Variants in CFAP299 observed in about 807,000 individuals in gnomAD.
CFAP299 encodes cilia- and flagella-associated protein 299.
A neutral mutation model predicts 27.0 loss-of-function variants in CFAP299; 21 were observed. That is an observed-to-expected ratio of 0.78 (90% CI 0.55 to 1.12). The LOEUF (loss-of-function observed/expected upper bound fraction) is 1.12. CFAP299 is among the 50% of genes most tolerant of loss of function. The pLI is 0.00. For missense variants in CFAP299, 310 were observed against 276.6 expected (o/e 1.12, Z -0.86); for synonymous variants, 104 against 98.1 (o/e 1.06, Z -0.36).
intron 2 of CFAP299, among the ~76,000 whole-genome samples, chr4:80,543,586 A>G (rs1578576249): frequency 6.6e-6 from 1 of 152,256 alleles, no homozygotes; most frequent in East Asian, 1.9e-4. Flanking sequence ...CAAATAGACC[A>G]AACCGACGAA....
chr4:80,621,056 A>T (rs1738577567), intron 3 of CFAP299, among the ~76,000 whole-genome samples: 1 of 152,060 alleles, frequency 6.6e-6, no homozygotes, highest in South Asian at 2.1e-4. Flanking sequence ...AAGCACTGAC[A>T]CCCTATCATT....
In CFAP299 at chr4:80,915,841, G is replaced by A. The variant is rs771288032; in HGVS notation, c.477-28969G>A. On this transcript the variant is annotated intron_variant, in intron 4 of 5. Coordinates refer to ENST00000358105, the MANE Select transcript of CFAP299 (RefSeq NM_152770.3). ...AAAACTTAATTTGGGTTATTTTCAC[G>A]TCTTCCATATTCTCTTCTTACCATA... 7.3e-5 allele frequency among the ~76,000 whole-genome samples: 11 copies of A among 151,672 alleles called. No individual in the cohort carries two copies. The South Asian group carries it at 8.4e-4, about 12-fold the overall frequency.
In CFAP299 at chr4:80,732,907, C is replaced by G. The variant is rs567375880; in HGVS notation, c.334-137086C>G. ...ATAAATTTAGCAGTGTTTTCTAACTCTTGATGATATAAGCCTTATTAATGT... is the reference window on the plus strand; with the variant it reads ...ATAAATTTAGCAGTGTTTTCTAACTGTTGATGATATAAGCCTTATTAATGT... On this transcript the variant is annotated intron_variant, in intron 3 of 5. Coordinates refer to ENST00000358105, the MANE Select transcript of CFAP299 (RefSeq NM_152770.3). 1.9e-4 allele frequency among the ~76,000 whole-genome samples: 29 copies of G among 152,178 alleles called. No individual in the cohort carries two copies. In the South Asian group the frequency reaches 5.8e-3, roughly 30 times the overall value.
intron 2 of CFAP299, among the ~76,000 whole-genome samples, chr4:80,557,129 G>A (rs1018922787): frequency 6.6e-6 from 1 of 151,866 alleles, no homozygotes; most frequent in African/African-American, 2.4e-5. Flanking sequence ...CCAACACATG[G>A]CCCCAGATAC....
intron 3 of CFAP299, among the ~76,000 whole-genome samples, chr4:80,729,902 C>T (rs745506917): frequency 6.6e-6 from 1 of 152,044 alleles, no homozygotes; most frequent in Admixed American, 6.6e-5. Context: ...AGCACCCGGC[C>T]CAGCATCTAT....
At chr4:80,413,304 A>C (rs1037718040) in intron 2 of CFAP299, among the ~76,000 whole-genome samples, 1 of 152,230 alleles carries the variant, frequency 6.6e-6, no homozygotes, top group African/African-American at 2.4e-5. Flanking sequence ...GTGATTGTGA[A>C]AGCAGCAGGC....
intron 4 of CFAP299, among the ~76,000 whole-genome samples, chr4:80,899,719 T>A (rs541291213): frequency 1.3e-5 from 2 of 152,204 alleles, no homozygotes; most frequent in African/African-American, 4.8e-5. Context: ...TGGTAAAAAA[T>A]GCAAACTCTG....
At chr4:80,946,097 C>CA (rs540972506) in intron 5 of CFAP299, among the ~76,000 whole-genome samples, 16,651 of 99,016 alleles carry the variant, frequency 0.17, 2,108 homozygotes, top group African/African-American at 0.39. Context: ...AACTCCGTCT[C>CA]AAAAAAAAAA....
intron 3 of CFAP299, among the ~76,000 whole-genome samples, chr4:80,747,356 T>C (rs1176128606): frequency 6.6e-6 from 1 of 152,084 alleles, no homozygotes; most frequent in Admixed American, 6.6e-5. Flanking sequence ...AGTGCACTAT[T>C]ATGGACACAC....
At chr4:80,408,841 T>G (rs888978496) in intron 2 of CFAP299, among the ~76,000 whole-genome samples, 10 of 152,204 alleles carry the variant, frequency 6.6e-5, no homozygotes, top group Non-Finnish European at 1.5e-4. Flanking sequence ...TGCTGGTTTT[T>G]TTTCCCAAAT....
chr4:80,411,246 CA>C (rs1726705924), intron 2 of CFAP299, among the ~76,000 whole-genome samples: 1 of 152,158 alleles, frequency 6.6e-6, no homozygotes, highest in East Asian at 1.9e-4. Context: ...AAAACTTCCA[CA>C]GTGAACTTAA....
chr4:80,877,820 A>G (rs1027006169), intron 4 of CFAP299, among the ~76,000 whole-genome samples: 6 of 152,106 alleles, frequency 3.9e-5, no homozygotes, highest in African/African-American at 1.4e-4. Flanking sequence ...AGTACAATGA[A>G]GGCTAATATA....
At chr4:80,402,323 C>A (rs1309338044) in intron 2 of CFAP299, among the ~76,000 whole-genome samples, 3 of 152,140 alleles carry the variant, frequency 2.0e-5, no homozygotes, top group African/African-American at 7.2e-5. Context: ...ACTTGAATTG[C>A]ATTTCCCAGA....
intron 2 of CFAP299, among the ~76,000 whole-genome samples, chr4:80,522,412 A>T (rs527587217): frequency 5.3e-5 from 8 of 152,168 alleles, no homozygotes; most frequent in Admixed American, 2.0e-4. Context: ...AACCCTTATC[A>T]GTTAAAGGTT....
intron 3 of CFAP299, among the ~76,000 whole-genome samples, chr4:80,726,351 A>T (rs1024657825): frequency 1.3e-5 from 2 of 152,128 alleles, no homozygotes; most frequent in Non-Finnish European, 2.9e-5. Context: ...TGCCTTTTTT[A>T]AAAAATTGCC....
intron 2 of CFAP299, chr4:80,387,066 A>C (rs1349556672): frequency 7.0e-7 from 1 of 1,427,928 alleles, no homozygotes; most frequent in Admixed American, 1.7e-5. Flanking sequence ...TGGGCAGGGG[A>C]AGTTGTGAGT....
chr4:80,728,420 A>T (rs1016736578), intron 3 of CFAP299, among the ~76,000 whole-genome samples: 1 of 152,152 alleles, frequency 6.6e-6, no homozygotes, highest in African/African-American at 2.4e-5. Flanking sequence ...AAAAAACAAT[A>T]CTTTTTCCTG....
At chr4:80,543,384 G>A (rs1210982840) in intron 2 of CFAP299, among the ~76,000 whole-genome samples, 1 of 152,190 alleles carries the variant, frequency 6.6e-6, no homozygotes, top group African/African-American at 2.4e-5. Context: ...GTCAGACACA[G>A]AATTCAGAAT....
At chr4:80,764,300 C>A (rs984389401) in intron 3 of CFAP299, among the ~76,000 whole-genome samples, 5 of 152,236 alleles carry the variant, frequency 3.3e-5, no homozygotes, top group South Asian at 4.1e-4. Flanking sequence ...TATGAACAGA[C>A]ACTTCTCAAA....
Sources: allele counts gnomAD v4.1 joint callset (sites outside exome capture counted in the v4.1 genomes callset), GRCh38; gene constraint gnomAD v4.1.1; transcripts MANE v1.5; gene names NCBI Gene and HGNC (gene_info 2026-07-23, HGNC 2026-07-21).